The following TPST1 variants were observed in gnomAD, a reference collection of about 807,000 sequenced individuals.
TPST1 encodes protein-tyrosine sulfotransferase 1.
A neutral mutation model predicts 34.8 loss-of-function variants in TPST1; 20 were observed. That is an observed-to-expected ratio of 0.57 (90% confidence interval 0.40 to 0.84). The LOEUF (loss-of-function observed/expected upper bound fraction) is 0.84. Ranked by LOEUF, TPST1 falls within the 40% of genes least tolerant of loss-of-function variation. The pLI is 0.00. For synonymous variants in TPST1, 152 were observed against 159.4 expected, an observed-to-expected ratio of 0.95 and a Z score of 0.35; for missense variants, 353 against 455.5, an observed-to-expected ratio of 0.78 and a Z score of 2.05.
chr7:66,305,438 G>A (rs908216471), intron 3 of TPST1, among the ~76,000 whole-genome samples: 3 of 152,048 alleles, frequency 2.0e-5, no homozygotes, highest in Admixed American at 6.6e-5. Context: ...CTAATATCCC[G>A]TTAACTTTCC....
intron 2 of TPST1, among the ~76,000 whole-genome samples, chr7:66,251,603 T>C (rs1790263002): frequency 6.6e-6 from 1 of 152,220 alleles, no homozygotes; most frequent in Non-Finnish European, 1.5e-5. Flanking sequence ...TGAATAGCTC[T>C]AGTAGGAAAC....
chr7:66,261,231 T>TC (rs373953421), intron 2 of TPST1, among the ~76,000 whole-genome samples: 2 of 103,508 alleles, frequency 1.9e-5, no homozygotes, highest in Non-Finnish European at 3.9e-5. Flanking sequence ...ACGTATATTG[T>TC]CTTTTTTTTT....
chr7:66,347,063 T>C (rs1233156632), intron 3 of TPST1, among the ~76,000 whole-genome samples: 5 of 102,892 alleles, frequency 4.9e-5, no homozygotes, highest in African/African-American at 2.1e-4. Context: ...GCTTTTCTTT[T>C]TTTTTTTTTT....
chr7:66,235,225 G>A (rs960323517), intron 1 of TPST1, among the ~76,000 whole-genome samples: 4 of 134,704 alleles, frequency 3.0e-5, no homozygotes, highest in Non-Finnish European at 6.2e-5. Context: ...TTGCTCTGTC[G>A]CCCAGACTGG....
intron 3 of TPST1, among the ~76,000 whole-genome samples, chr7:66,305,272 A>G (rs1431406509): frequency 1.3e-5 from 2 of 152,296 alleles, no homozygotes; most frequent in South Asian, 4.2e-4. Context: ...TCATGTGATC[A>G]TGGCAGGTAT....
At chr7:66,208,139 C>A (rs907123020) in intron 1 of TPST1, among the ~76,000 whole-genome samples, 5 of 152,128 alleles carry the variant, frequency 3.3e-5, no homozygotes, top group Non-Finnish European at 7.4e-5. Flanking sequence ...TTTAAAAATT[C>A]TCATCAGCTC....
intron 3 of TPST1, among the ~76,000 whole-genome samples, chr7:66,334,001 A>G (rs4149465): frequency 0.015 from 2,230 of 152,326 alleles, 62 homozygotes; most frequent in East Asian, 0.093. Context: ...ACTTAATGTA[A>G]GTGCCTGAAA....
Position 66,360,344 on chromosome 7 carries a change from T to G in TPST1, c.*479T>G, listed in dbSNP as rs1792666036. On this transcript the variant is annotated 3_prime_UTR_variant, in exon 6 of 6. Coordinates refer to ENST00000304842, the MANE Select transcript of TPST1 (RefSeq NM_003596.4). ...TTAAATATCCTAATTATTTAATTCATTGTATTGTTTCTGAGAAGTTGGGAA... is the reference window on the plus strand; with the variant it reads ...TTAAATATCCTAATTATTTAATTCAGTGTATTGTTTCTGAGAAGTTGGGAA... The G allele has an allele frequency of 6.5e-6, 1 of 153,650 alleles. No individual in the cohort carries two copies. The highest frequency in any genetic ancestry group is 1.4e-5 in the Non-Finnish European group (1 of 68,972). The allele number at this position is 153,650 out of a possible 1,614,324, so 9.5% of individuals were successfully genotyped here.
chr7:66,314,152 C>G (rs576317269), intron 3 of TPST1, among the ~76,000 whole-genome samples: 2 of 152,310 alleles, frequency 1.3e-5, no homozygotes, highest in South Asian at 4.1e-4. Flanking sequence ...GTTCATCTGT[C>G]ACACCGTTGA....
At chr7:66,229,788 C>T (rs182899471) in intron 1 of TPST1, among the ~76,000 whole-genome samples, 66 of 152,198 alleles carry the variant, frequency 4.3e-4, no homozygotes, top group Admixed American at 2.8e-3. Flanking sequence ...CTTGTCAGCA[C>T]GGTTCAGTAT....
At chr7:66,211,135 A>T (rs944752772) in intron 1 of TPST1, among the ~76,000 whole-genome samples, 2 of 151,024 alleles carry the variant, frequency 1.3e-5, no homozygotes, top group Non-Finnish European at 3.0e-5. Context: ...TTTTTATTTT[A>T]TTTTTATTTT....
At chr7:66,305,437 C>T (rs533170693) in intron 3 of TPST1, among the ~76,000 whole-genome samples, 2 of 152,266 alleles carry the variant, frequency 1.3e-5, no homozygotes, top group South Asian at 4.1e-4. Flanking sequence ...TCTAATATCC[C>T]GTTAACTTTC....
intron 2 of TPST1, among the ~76,000 whole-genome samples, chr7:66,259,296 A>G (rs1022745115): frequency 6.6e-6 from 1 of 152,134 alleles, no homozygotes; most frequent in Admixed American, 6.6e-5. Context: ...CATTTCCTCT[A>G]AGTTGTTGAA....
At chr7:66,205,096 T>G (rs1395356222), upstream of TPST1, 1 of 152,120 alleles carries the variant, frequency 6.6e-6, no homozygotes, top group African/African-American at 2.4e-5. The surrounding 1 kb of genome is among the most constrained non-coding windows in gnomAD (Gnocchi z 5.0). Context: ...GGAAGCCCCC[T>G]CGGGAGCGCG....
At chr7:66,258,321 A>G (rs537228177) in intron 2 of TPST1, among the ~76,000 whole-genome samples, 1 of 152,308 alleles carries the variant, frequency 6.6e-6, no homozygotes, top group African/African-American at 2.4e-5. Flanking sequence ...GTAGACTGTC[A>G]GGCTGGTTAG....
intron 3 of TPST1, among the ~76,000 whole-genome samples, chr7:66,318,421 A>G (rs1791677802): frequency 6.6e-6 from 1 of 151,492 alleles, no homozygotes; most frequent in South Asian, 2.1e-4. Flanking sequence ...ATCTAAGATC[A>G]TCTTTCTCAG....
chr7:66,199,498 T>C, the TPST1 span, among the ~76,000 whole-genome samples: 2 of 151,904 alleles, frequency 1.3e-5, no homozygotes, highest in African/African-American at 4.8e-5. Context: ...TTTCACCATG[T>C]TGGCCAGGCT....
At chr7:66,223,213 G>C (rs1261061597) in intron 1 of TPST1, among the ~76,000 whole-genome samples, 2 of 152,114 alleles carry the variant, frequency 1.3e-5, no homozygotes, top group African/African-American at 4.8e-5. Flanking sequence ...TTGGGAGGCT[G>C]ATGTGGGAGG....
At chr7:66,345,637 A>G (rs78752512) in intron 3 of TPST1, among the ~76,000 whole-genome samples, 2,216 of 151,996 alleles carry the variant, frequency 0.015, 61 homozygotes, top group East Asian at 0.093. Flanking sequence ...GTGGAGTGAA[A>G]TATCTCTATA....
Sources: allele counts gnomAD v4.1 joint callset (sites outside exome capture counted in the v4.1 genomes callset), GRCh38; gene constraint gnomAD v4.1.1; non-coding constraint Gnocchi (gnomAD v3.1); transcripts MANE v1.5; gene names NCBI Gene and HGNC (gene_info 2026-07-23, HGNC 2026-07-21).